CLMN: variants seen among roughly 807,000 people sequenced by gnomAD.
CLMN encodes the protein calmin.
Under a neutral mutation model 92.7 loss-of-function variants are expected in CLMN, and 57 were observed. The ratio of observed to expected loss-of-function variants is 0.61; its 90% confidence interval spans 0.50 to 0.77. The LOEUF (loss-of-function observed/expected upper bound fraction) is 0.77. Ranked by LOEUF, CLMN falls within the 30% of genes least tolerant of loss-of-function variation. The pLI is 0.00. For missense variants in CLMN, 1,158 were observed against 1,237.5 expected (o/e 0.94, Z 0.96); for synonymous variants, 466 against 470.6 (o/e 0.99, Z 0.13).
chr14:95,293,135 C>CCTTCCCTCCCTT (rs1226792493), intron 1 of CLMN, among the ~76,000 whole-genome samples: 2 of 118,784 alleles, frequency 1.7e-5, no homozygotes, highest in African/African-American at 3.5e-5. Flanking sequence ...TTCCCTCCCT[C>CCTTCCCTCCCTT]CTTCCCTCCC....
chr14:95,284,990 A>T (rs142178320), intron 1 of CLMN, among the ~76,000 whole-genome samples: 190 of 152,236 alleles, frequency 1.2e-3, no homozygotes, highest in African/African-American at 4.3e-3. Flanking sequence ...TGTATCTCCG[A>T]GAATTTCCAC....
Position 95,191,496 on chromosome 14 carries a change from C to A in CLMN, c.*68G>T, listed in dbSNP as rs1896559534. ...TCTGTAGAAGTGCCCCACCCAGAAC[C>A]CAAAATAAAATGAAGTAACCCCGCC... is the stretch of plus-strand genomic sequence containing the variant. On this transcript the variant is annotated 3_prime_UTR_variant, in exon 13 of 13. Transcript: ENST00000298912. This position sits in a 1 kb window ranked among gnomAD's most constrained non-coding sequence, Gnocchi z 5.3. The A allele has an allele frequency of 6.3e-6, 9 of 1,438,430 alleles. No homozygotes were observed. The highest frequency in any genetic ancestry group is 8.4e-6 in the Non-Finnish European group (9 of 1,069,380). 89.1% of individuals were successfully genotyped at this position (1,438,430 alleles called of 1,614,324 possible).
chr14:95,212,255 G>A (rs1897219660), intron 6 of CLMN, among the ~76,000 whole-genome samples: 1 of 152,242 alleles, frequency 6.6e-6, no homozygotes, highest in Non-Finnish European at 1.5e-5. Context: ...CTGGAAGGCA[G>A]TGTGTGATAG....
intron 1 of CLMN, 67 bp downstream of exon 1, chr14:95,319,644 G>T: frequency 1.5e-6 from 2 of 1,323,772 alleles, no homozygotes; most frequent in South Asian, 2.5e-5. Context: ...GAGTTGCCAA[G>T]TGTCGGAGCG....
At chr14:95,205,491 G>A (rs1259181070) in intron 8 of CLMN, among the ~76,000 whole-genome samples, 1 of 152,180 alleles carries the variant, frequency 6.6e-6, no homozygotes, top group Non-Finnish European at 1.5e-5. Flanking sequence ...AAGCCTAAAG[G>A]AGGGAATGAA....
chr14:95,215,559 T>C, intron 5 of CLMN, 82 bp downstream of exon 5: 2 of 1,215,256 alleles, frequency 1.6e-6, no homozygotes, highest in Non-Finnish European at 2.4e-6. Context: ...ACTGCCTCCC[T>C]TAATCTGGCC....
intron 2 of CLMN, among the ~76,000 whole-genome samples, chr14:95,224,686 G>A (rs763185550): frequency 3.3e-5 from 5 of 152,102 alleles, no homozygotes; most frequent in African/African-American, 4.8e-5. Flanking sequence ...TCCTGTATCC[G>A]GCCACAAGGG....
At chr14:95,276,505 G>A (rs923986874) in intron 1 of CLMN, among the ~76,000 whole-genome samples, 3 of 152,202 alleles carry the variant, frequency 2.0e-5, no homozygotes, top group African/African-American at 7.2e-5. Context: ...TTTAGGGACT[G>A]ACGAGTGGCT....
chr14:95,241,861 C>T (rs1346992476), intron 1 of CLMN, among the ~76,000 whole-genome samples: 1 of 152,130 alleles, frequency 6.6e-6, no homozygotes, highest in Non-Finnish European at 1.5e-5. Flanking sequence ...ATGGAACACA[C>T]ACGCACGCAC....
At chr14:95,264,908 G>T (rs555546567) in intron 1 of CLMN, among the ~76,000 whole-genome samples, 2 of 145,874 alleles carry the variant, frequency 1.4e-5, no homozygotes, top group African/African-American at 5.1e-5. Flanking sequence ...CCAAAACACC[G>T]TCAGATCTCA....
chr14:95,211,666 ACC>A (rs764041516), intron 6 of CLMN, among the ~76,000 whole-genome samples: 4 of 147,946 alleles, frequency 2.7e-5, no homozygotes, highest in Non-Finnish European at 3.0e-5. Context: ...AAAAAAAAAA[ACC>A]AAAAACAACC....
At chr14:95,305,914 T>C (rs1406241987) in intron 1 of CLMN, among the ~76,000 whole-genome samples, 2 of 152,168 alleles carry the variant, frequency 1.3e-5, no homozygotes, top group Non-Finnish European at 2.9e-5. Flanking sequence ...GGAAAATCAT[T>C]TCCAACCTGG....
intron 1 of CLMN, among the ~76,000 whole-genome samples, chr14:95,261,321 GCTCAGA>G (rs1456177519): frequency 6.6e-6 from 1 of 152,222 alleles, no homozygotes; most frequent in Non-Finnish European, 1.5e-5. Context: ...GCGTCTGGCT[GCTCAGA>G]CTTTATGCCG....
At chr14:95,193,464 C>T (rs1896611525) in intron 12 of CLMN, 3 of 1,218,996 alleles carry the variant, frequency 2.5e-6, no homozygotes, top group Admixed American at 2.1e-5. Context: ...ACAGCATTCA[C>T]AGGGGCCACA....
rs1160436859 is a variant in CLMN, at chr14:95,183,155, G to C, written c.*8409C>G. On this transcript the variant is annotated 3_prime_UTR_variant, in exon 13 of 13. Transcript: ENST00000298912. ...AGAGGTAAATTCAAGGCATCTGCAG[G>C]TGAGCCACAGCTAGGACGTGGGTTC... 1 of 152,240 alleles carries C rather than the reference G, an allele frequency of 6.6e-6. No homozygotes were observed. 9.4% of individuals were successfully genotyped at this position (152,240 alleles called of 1,614,324 possible).
chr14:95,302,287 G>T (rs1425936467), intron 1 of CLMN, among the ~76,000 whole-genome samples: 4 of 152,006 alleles, frequency 2.6e-5, no homozygotes, highest in Non-Finnish European at 5.9e-5. Context: ...GCAACAGAGT[G>T]AGACTTTGTC....
intron 2 of CLMN, among the ~76,000 whole-genome samples, chr14:95,226,138 G>A (rs182306722): frequency 1.3e-5 from 2 of 152,212 alleles, no homozygotes; most frequent in Non-Finnish European, 2.9e-5. Context: ...TATCTATATG[G>A]GATCGGTTCC....
At chr14:95,253,804 C>T (rs910475564) in intron 1 of CLMN, among the ~76,000 whole-genome samples, 46 of 151,926 alleles carry the variant, frequency 3.0e-4, no homozygotes, top group Non-Finnish European at 8.8e-5. Flanking sequence ...TTAGTAGAAA[C>T]GGGGTTTCAC....
intron 9 of CLMN, among the ~76,000 whole-genome samples, chr14:95,200,458 C>T (rs145651615): frequency 6.6e-6 from 1 of 152,316 alleles, no homozygotes; most frequent in Non-Finnish European, 1.5e-5. Flanking sequence ...AGGCCGAGCC[C>T]AGGCCCTTCT....
Sources: allele counts gnomAD v4.1 joint callset (sites outside exome capture counted in the v4.1 genomes callset), GRCh38; gene constraint gnomAD v4.1.1; non-coding constraint Gnocchi (gnomAD v3.1); transcripts MANE v1.5; gene names NCBI Gene and HGNC (gene_info 2026-07-23, HGNC 2026-07-21).